ACSL3: variants seen among roughly 807,000 people sequenced by gnomAD.
The protein encoded by ACSL3 is fatty acid CoA ligase Acsl3.
Under a neutral mutation model 84.7 loss-of-function variants are expected in ACSL3, and 34 were observed. The ratio of observed to expected loss-of-function variants is 0.40; its 90% CI spans 0.31 to 0.53. The LOEUF is 0.53. Ranked by LOEUF, ACSL3 falls within the 20% of genes least tolerant of loss-of-function variation. The pLI is 0.48. For missense variants in ACSL3, 680 were observed against 873.1 expected (o/e 0.78, Z 2.79); for synonymous variants, 315 against 299.4 (o/e 1.05, Z -0.54).
chr2:222,928,839 C>G, intron 12 of ACSL3, 23 bp from the exon 13 acceptor site: 1 of 1,595,298 alleles, frequency 6.3e-7, no homozygotes, highest in Non-Finnish European at 8.6e-7. Context: ...TCTCAAATAT[C>G]CTTTTTTTCA....
chr2:222,868,319 G>T (rs1169262907), intron 1 of ACSL3, among the ~76,000 whole-genome samples: 2 of 152,116 alleles, frequency 1.3e-5, no homozygotes, highest in Non-Finnish European at 2.9e-5. Flanking sequence ...TAATTTCTAT[G>T]TCTCAATTTC....
intron 1 of ACSL3, among the ~76,000 whole-genome samples, chr2:222,885,650 T>TC (rs1156324275): frequency 1.3e-5 from 2 of 152,068 alleles, no homozygotes; most frequent in Non-Finnish European, 1.5e-5. Context: ...CTAAGTTATT[T>TC]CCCCCCTGGA....
intron 1 of ACSL3, chr2:222,861,478 CGTGGG>C (rs1553580271): frequency 6.6e-6 from 1 of 152,172 alleles, no homozygotes; most frequent in Non-Finnish European, 1.5e-5. Flanking sequence ...AAGCGGCTGA[CGTGGG>C]GCCTCGGCCC....
chr2:222,881,640 C>CTAAG (rs1288823566), intron 1 of ACSL3, among the ~76,000 whole-genome samples: 1 of 152,168 alleles, frequency 6.6e-6, no homozygotes, highest in Non-Finnish European at 1.5e-5. Flanking sequence ...CCTCACCCTC[C>CTAAG]TAAGTAGCTG....
intron 5 of ACSL3, chr2:222,917,412 A>G (rs1326171663): frequency 1.3e-5 from 2 of 152,186 alleles, no homozygotes; most frequent in South Asian, 2.1e-4. Flanking sequence ...CTTTTAAACA[A>G]ACATTCCATT....
rs184235995 is a variant in ACSL3 at position 222,943,044 on chromosome 2, T to G, written c.*1390T>G. The G allele has an allele frequency of 3.3e-4, 74 of 224,208 alleles. No individual in the cohort carries two copies. The highest frequency in any genetic ancestry group is 2.3e-4 in the Non-Finnish European group (26 of 112,550). The allele number at this position is 224,208 out of a possible 1,614,324, so 13.9% of individuals were successfully genotyped here. ...CATTTTTCATGTCAGACTAGTTACT[T>G]TGTTGATTCTCAGTTACTGTAGGCA... On this transcript the variant is annotated 3_prime_UTR_variant, in exon 17 of 17. Transcript: ENST00000357430.
At position 222,863,939 on chromosome 2, in the gene ACSL3, A is replaced by G. The variant is rs892909662; in HGVS notation, c.-207+2681A>G. ...TGCCAAAGTTACTGCTTTCAAAGAG[A>G]TTTCAGTTAATGTATACTAATACTC... On this transcript the variant is annotated intron_variant, in intron 1 of 16. Transcript: ENST00000357430. Among the ~76,000 whole-genome samples, 3 of 152,194 alleles carry G rather than the reference A, an allele frequency of 2.0e-5. 1 individual carries two copies. Among genetic ancestry groups the G allele is most frequent in the African/African-American group, 7.2e-5 (3 of 41,534 alleles).
intron 16 of ACSL3, among the ~76,000 whole-genome samples, chr2:222,940,525 A>G (rs1697275659): frequency 6.6e-6 from 1 of 151,292 alleles, no homozygotes; most frequent in Non-Finnish European, 1.5e-5. Context: ...GCAGCATATA[A>G]TGAAGTTTCA....
chr2:222,900,329 C>G (rs1282842885), intron 2 of ACSL3, among the ~76,000 whole-genome samples: 14 of 152,090 alleles, frequency 9.2e-5, no homozygotes, highest in Non-Finnish European at 2.1e-4. Flanking sequence ...CCTTCTCGGC[C>G]CCATGGATTG....
chr2:222,878,111 A>G (rs1377920923), intron 1 of ACSL3, among the ~76,000 whole-genome samples: 1 of 152,230 alleles, frequency 6.6e-6, no homozygotes, highest in East Asian at 1.9e-4. Flanking sequence ...TGAATGAATC[A>G]GTCTCTGCAT....
intron 1 of ACSL3, among the ~76,000 whole-genome samples, chr2:222,886,834 C>G (rs1695734608): frequency 1.3e-5 from 2 of 152,068 alleles, no homozygotes; most frequent in South Asian, 4.2e-4. Context: ...ACCCCTTCCC[C>G]TACACAGGCA....
At chr2:222,862,910 TGAA>T (rs1248810612) in intron 1 of ACSL3, among the ~76,000 whole-genome samples, 1 of 152,156 alleles carries the variant, frequency 6.6e-6, no homozygotes, top group African/African-American at 2.4e-5. Context: ...ATGGGAGAAA[TGAA>T]GAACGCACAA....
At position 222,924,442 on chromosome 2, in the gene ACSL3, T is replaced by C. The variant is rs1208119219; in HGVS notation, c.1153-14T>C. The C allele has an allele frequency of 6.3e-7, 1 of 1,585,252 alleles. No individual in the cohort carries two copies. Among genetic ancestry groups the C allele is most frequent in the East Asian group, 2.3e-5 (1 of 44,060 alleles). ...TTATTATTAACTATGTTAAACTCAT[T>C]TTTATACATTTAGGAAATCATGGAT... On this transcript the variant is annotated splice_polypyrimidine_tract_variant and intron_variant, in intron 10 of 16. Transcript: ENST00000357430.
chr2:222,924,438 T>A lies in ACSL3; in HGVS notation c.1153-18T>A. 3.8e-6 allele frequency: 6 copies of A among 1,577,260 alleles called. No individual in the cohort carries two copies. The highest frequency in any genetic ancestry group is 4.3e-6 in the Non-Finnish European group (5 of 1,163,864). On this transcript the variant is annotated intron_variant, in intron 10 of 16. Transcript: ENST00000357430. ...GCTGTTATTATTAACTATGTTAAAC[T>A]CATTTTTATACATTTAGGAAATCAT...
rs974712523 is a variant in ACSL3 at position 222,942,736 on chromosome 2, C to G, written c.*1082C>G. The G allele has an allele frequency of 4.7e-6, 1 of 213,674 alleles. No individual in the cohort carries two copies. Among genetic ancestry groups the G allele is most frequent in the Non-Finnish European group, 9.4e-6 (1 of 105,862 alleles). 13.2% of individuals were successfully genotyped at this position (213,674 alleles called of 1,614,324 possible). A position where few individuals can be genotyped will look rare whatever the true frequency, so the allele number is the denominator to read the frequency against. On this transcript the variant is annotated 3_prime_UTR_variant, in exon 17 of 17. Transcript: ENST00000357430. The stretch of plus-strand genomic sequence containing the variant: ...ATTTAAAAAGCACCTTATCCTTTCT[C>G]CCATAACCTTTGTACACTAAAAAAT...
At chr2:222,866,954 C>T (rs1695165883) in intron 1 of ACSL3, among the ~76,000 whole-genome samples, 1 of 151,644 alleles carries the variant, frequency 6.6e-6, no homozygotes, top group Non-Finnish European at 1.5e-5. Context: ...CCTGCCGCAG[C>T]CTCCCGAGGA....
chr2:222,935,505 G>C (rs1260155814), intron 16 of ACSL3, among the ~76,000 whole-genome samples: 4 of 152,126 alleles, frequency 2.6e-5, no homozygotes, highest in African/African-American at 9.7e-5. Flanking sequence ...ACCATGCCAG[G>C]CTCCAGCATT....
chr2:222,931,095 G>A (rs1216846635), intron 14 of ACSL3, among the ~76,000 whole-genome samples: 1 of 149,528 alleles, frequency 6.7e-6, no homozygotes, highest in Non-Finnish European at 1.5e-5. Flanking sequence ...CTAGAGATTA[G>A]TGGATGGAGC....
chr2:222,886,768 A>C (rs755415923), intron 1 of ACSL3, among the ~76,000 whole-genome samples: 9 of 152,164 alleles, frequency 5.9e-5, no homozygotes, highest in Non-Finnish European at 1.0e-4. Context: ...TTTATTTTTT[A>C]GAGCAGTTTT....
Sources: allele counts gnomAD v4.1 joint callset (sites outside exome capture counted in the v4.1 genomes callset), GRCh38; gene constraint gnomAD v4.1.1; transcripts MANE v1.5; gene names NCBI Gene and HGNC (gene_info 2026-07-23, HGNC 2026-07-21).